HSF4: variants seen among roughly 807,000 people sequenced by gnomAD.
HSF4 encodes the protein heat shock factor protein 4.
In HSF4, 41 loss-of-function variants were observed where a neutral mutation model predicts 52.0. The ratio of observed to expected loss-of-function variants is 0.79; its 90% CI spans 0.61 to 1.02. HSF4 has a LOEUF of 1.02. Ranked by LOEUF, HSF4 falls within the 50% of genes least tolerant of loss-of-function variation. HSF4 has a pLI of 0.00. For missense variants in HSF4, 610 were observed against 651.1 expected (o/e 0.94, Z 0.69); for synonymous variants, 285 against 273.0 (o/e 1.04, Z -0.43).
upstream of HSF4, chr16:67,164,157 TAAAC>T (rs1176437037): frequency 6.7e-6 from 4 of 599,954 alleles, no homozygotes; most frequent in South Asian, 3.1e-5. Context: ...GAGTGTGAAA[TAAAC>T]AAATCCTGCA....
At position 67,166,088 on chromosome 16, in the gene HSF4, G is replaced by GGGT; in HGVS notation, c.485+18_485+19insGGT. The GGGT allele has an allele frequency of 1.7e-6, 1 of 604,344 alleles. No individual in the cohort carries two copies. Among genetic ancestry groups the GGGT allele is most frequent in the Non-Finnish European group, 2.7e-6 (1 of 372,688 alleles). 37.4% of individuals were successfully genotyped at this position (604,344 alleles called of 1,614,324 possible). ...CTCAGGCAGTGCGGGGGCGGGCGGG[G>GGGT]AAAGAGGGGACAGGGGTGGGGGGTT... On this transcript the variant is annotated intron_variant, in intron 4 of 12. Transcript: ENST00000521374.
chr16:67,166,033 C>G lies in HSF4; in HGVS notation c.448C>G (p.Gln150Glu), dbSNP rs761392776. Residue 150 changes from glutamine (Q) to glutamate (E), a missense_variant, in exon 4 of 13, where the codon CAG becomes GAG. Physicochemically the swap from Gln to Glu is conservative, Grantham distance 29 (BLOSUM62 2). Transcript: ENST00000521374. ...LGEVQALRGV[Q>E]ESTEARLREL... Reference sequence around the variant, plus strand: ...CGAGGTGCAGGCTTTGCGGGGAGTGCAGGAGAGCACCGAGGCGCGGCTGCG... The same window carrying G: ...CGAGGTGCAGGCTTTGCGGGGAGTGGAGGAGAGCACCGAGGCGCGGCTGCG... The G allele has an allele frequency of 4.6e-6, 7 of 1,532,362 alleles. No individual in the cohort carries two copies. The South Asian group carries it at 4.8e-5, about 10-fold the overall frequency. 94.9% of individuals were successfully genotyped at this position (1,532,362 alleles called of 1,614,324 possible). A position where few individuals can be genotyped will look rare whatever the true frequency, so the allele number is the denominator to read the frequency against.
upstream of HSF4, chr16:67,164,199 G>A: frequency 4.0e-6 from 2 of 494,086 alleles, no homozygotes; most frequent in Non-Finnish European, 7.7e-6. Flanking sequence ...TAAAGGCGGG[G>A]TCGGATCTGA....
chr16:67,169,920 C>A lies in HSF4; in HGVS notation c.*135C>A, dbSNP rs1454019137. 1 of 843,106 alleles carries A rather than the reference C, an allele frequency of 1.2e-6. No individual in the cohort carries two copies. The highest frequency in any genetic ancestry group is 1.9e-6 in the Non-Finnish European group (1 of 527,480). The allele number at this position is 843,106 out of a possible 1,614,324, so 52.2% of individuals were successfully genotyped here. A position where few individuals can be genotyped will look rare whatever the true frequency, so the allele number is the denominator to read the frequency against. On this transcript the variant is annotated 3_prime_UTR_variant, in exon 13 of 13. Transcript: ENST00000521374. This position sits in a 1 kb window ranked among gnomAD's most constrained non-coding sequence, Gnocchi z 4.3. ...CTCTCCACTACCCCGACTATCCCTG[C>A]ACATAAACTCCGTTTTTTTTTTTTC...
In HSF4 at chr16:67,169,592, G is replaced by A. The variant is rs2031599946; in HGVS notation, c.1325-39G>A. The stretch of plus-strand genomic sequence containing the variant: ...TCTCCTTCCCTGAAGAAAGGAGGGG[G>A]AACATTTCCCCTGGTGAGCGCAGTC... On this transcript the variant is annotated intron_variant, in intron 12 of 12. Transcript: ENST00000521374. The surrounding 1 kb of genome is among the most constrained non-coding windows in gnomAD (Gnocchi z 4.3). 1 of 1,601,266 alleles carries A rather than the reference G, an allele frequency of 6.2e-7. No homozygotes were observed. Among genetic ancestry groups the A allele is most frequent in the African/African-American group, 1.3e-5 (1 of 74,906 alleles).
rs2031353688 is a variant in HSF4 at position 67,167,026 on chromosome 16, C to G, written c.627-94C>G. On this transcript the variant is annotated intron_variant, in intron 6 of 12. Transcript: ENST00000521374. ...ACAGGCCTCAGCTCTGCTGACTTGG[C>G]TGCTGGGGCCTGAGGGAGGGAGGGA... is the stretch of plus-strand genomic sequence containing the variant. The G allele has an allele frequency of 1.9e-6, 3 of 1,566,318 alleles. No homozygotes were observed. In the South Asian group the frequency reaches 3.3e-5, roughly 17 times the overall value.
rs930317511 is a variant in HSF4 at position 67,169,012 on chromosome 16, C to T, written c.1189-24C>T. 3.7e-6 allele frequency: 6 copies of T among 1,613,748 alleles called. No individual in the cohort carries two copies. In the African/African-American group the frequency reaches 6.7e-5, roughly 18 times the overall value. On this transcript the variant is annotated intron_variant, in intron 10 of 12. Coordinates refer to ENST00000521374, the MANE Select transcript of HSF4 (RefSeq NM_001374675.1). This position sits in a 1 kb window ranked among gnomAD's most constrained non-coding sequence, Gnocchi z 4.3. ...CTCTCTGTGGAGCCTGGGGAGGGCA[C>T]CACTGACCCAGAGCTCTCCTCAGGT...
At position 67,169,444 on chromosome 16, in the gene HSF4, C is replaced by T; in HGVS notation, c.1324+96C>T. 1 of 1,569,698 alleles carries T rather than the reference C, an allele frequency of 6.4e-7. No homozygotes were observed. Among genetic ancestry groups the T allele is most frequent in the South Asian group, 1.2e-5 (1 of 86,936 alleles). On this transcript the variant is annotated intron_variant, in intron 12 of 12. Coordinates refer to ENST00000521374, the MANE Select transcript of HSF4 (RefSeq NM_001374675.1). This position sits in a 1 kb window ranked among gnomAD's most constrained non-coding sequence, Gnocchi z 4.3. Reference sequence around the variant, plus strand: ...GGCAATCTGCAATTTGCAGGGAAATCCTGAGTTCAGGCTGCACTGCAGAGC... The same window carrying T: ...GGCAATCTGCAATTTGCAGGGAAATTCTGAGTTCAGGCTGCACTGCAGAGC...
In HSF4 at chr16:67,167,139, G is replaced by T; in HGVS notation, c.646G>T (p.Gly216Trp). The T allele has an allele frequency of 6.2e-7, 1 of 1,614,154 alleles. No individual in the cohort carries two copies. Among genetic ancestry groups the T allele is most frequent in the Non-Finnish European group, 8.5e-7 (1 of 1,180,002 alleles). Residue 216 changes from glycine to tryptophan, a missense_variant, in exon 7 of 13, where the codon GGG (glycine) becomes TGG (tryptophan). By Grantham distance (184) the Gly-to-Trp change is radical. Coordinates refer to ENST00000521374, the MANE Select transcript of HSF4 (RefSeq NM_001374675.1). Reference sequence around the variant, plus strand: ...ACACAGGTCCCTGATGCTGGATGAGGGGAGCTCATGCCCAACACCTGCCAA... The same window carrying T: ...ACACAGGTCCCTGATGCTGGATGAGTGGAGCTCATGCCCAACACCTGCCAA... ...KRKLSLMLDEGSSCPTPAKFN... is the reference protein window; with the variant it reads ...KRKLSLMLDEWSSCPTPAKFN...
At position 67,167,147 on chromosome 16, in the gene HSF4, A is replaced by T. The variant is rs1597241395; in HGVS notation, c.654A>T (p.Ser218=). Residue 218 remains serine, a synonymous_variant, in exon 7 of 13, where the codon TCA becomes TCT. Transcript: ENST00000521374. ...KLSLMLDEGS[S]CPTPAKFNTC... ...CCCTGATGCTGGATGAGGGGAGCTC[A>T]TGCCCAACACCTGCCAAGTTCAACA... The T allele has an allele frequency of 1.9e-6, 3 of 1,614,148 alleles. No homozygotes were observed. The East Asian group carries it at 6.7e-5, about 36-fold the overall frequency.
chr16:67,168,106 C>T (rs1567670140), intron 9 of HSF4, among the ~76,000 whole-genome samples, 159 bp downstream of exon 9: 1 of 152,262 alleles, frequency 6.6e-6, no homozygotes, highest in South Asian at 2.1e-4. Context: ...GGGCACTCAG[C>T]ATCTGCGGAA....
chr16:67,166,013 T>A lies in HSF4; in HGVS notation c.428T>A (p.Val143Glu). ...PEDLGRLLGE[V>E]QALRGVQEST... ...GACCTGGGTCGACTACTGGGCGAGGTGCAGGCTTTGCGGGGAGTGCAGGAG... is the reference window on the plus strand; with the variant it reads ...GACCTGGGTCGACTACTGGGCGAGGAGCAGGCTTTGCGGGGAGTGCAGGAG... The change falls in exon 4 of 13, where the codon GTG (valine) becomes GAG (glutamate). Residue 143 changes from valine (V) to glutamate (E), a missense_variant. By Grantham distance (121) the Val-to-Glu change is moderately radical. Coordinates refer to ENST00000521374, the MANE Select transcript of HSF4 (RefSeq NM_001374675.1). 1.3e-6 allele frequency: 2 copies of A among 1,531,758 alleles called. No homozygotes were observed. Among genetic ancestry groups the A allele is most frequent in the Non-Finnish European group, 1.7e-6 (2 of 1,147,334 alleles). 94.9% of individuals were successfully genotyped at this position (1,531,758 alleles called of 1,614,324 possible).
rs781742797 is a variant in HSF4, at chr16:67,167,523, C to G, written c.778C>G (p.Pro260Ala). 6.2e-7 allele frequency: 1 copy of G among 1,613,692 alleles called. No individual in the cohort carries two copies. The highest frequency in any genetic ancestry group is 1.3e-5 in the African/African-American group (1 of 74,954). The change falls in exon 8 of 13, where the codon CCC becomes GCC. Residue 260 changes from proline to alanine, a missense_variant. Coordinates refer to ENST00000521374, the MANE Select transcript of HSF4 (RefSeq NM_001374675.1). ...CCTTAGCCCTCACAGGGCCAGGGGC[C>G]CCATCATCTCTGACATCCCAGAAGA... Reference protein sequence around the residue: ...LGLSPHRARGPIISDIPEDSP... With the variant: ...LGLSPHRARGAIISDIPEDSP...
Position 67,169,186 on chromosome 16 carries a change from C to G in HSF4, c.1254+85C>G. ...ATAGCTGTTCTCTGTGAGCCAAAGC[C>G]GTGTCTCTAGAAGAATTGTCACAGT... is the stretch of plus-strand genomic sequence containing the variant. On this transcript the variant is annotated intron_variant, in intron 11 of 12. Transcript: ENST00000521374. This position sits in a 1 kb window ranked among gnomAD's most constrained non-coding sequence, Gnocchi z 4.3. 1 of 1,605,676 alleles carries G rather than the reference C, an allele frequency of 6.2e-7. No individual in the cohort carries two copies. Among genetic ancestry groups the G allele is most frequent in the South Asian group, 1.1e-5 (1 of 90,744 alleles).
At chr16:67,166,664 C>G (rs979674078) in intron 6 of HSF4, 42 bp downstream of exon 6, 4 of 1,577,236 alleles carry the variant, frequency 2.5e-6, no homozygotes, top group Non-Finnish European at 3.5e-6. Flanking sequence ...ACTTCCAAGA[C>G]CCCCCAGAAG....
Position 67,165,341 on chromosome 16 carries a change from C to T in HSF4, c.124-181C>T. 3.1e-6 allele frequency: 2 copies of T among 641,146 alleles called. No individual in the cohort carries two copies. Among genetic ancestry groups the T allele is most frequent in the South Asian group, 1.8e-5 (1 of 55,636 alleles). 39.7% of individuals were successfully genotyped at this position (641,146 alleles called of 1,614,324 possible). Reference sequence around the variant, plus strand: ...GGGTAGGGACTCACTGTGGTCGCTCCAGGCTAGGCCTCGGAGCCCGTTCTG... The same window carrying T: ...GGGTAGGGACTCACTGTGGTCGCTCTAGGCTAGGCCTCGGAGCCCGTTCTG... On this transcript the variant is annotated intron_variant, in intron 1 of 12. Coordinates refer to ENST00000521374, the MANE Select transcript of HSF4 (RefSeq NM_001374675.1). The surrounding 1 kb of genome is among the most constrained non-coding windows in gnomAD (Gnocchi z 6.9).
rs1262488056 is a variant in HSF4, at chr16:67,165,031, G to A, written c.123+97G>A. 8 of 1,313,376 alleles carry A rather than the reference G, an allele frequency of 6.1e-6. No individual in the cohort carries two copies. The highest frequency in any genetic ancestry group is 8.2e-6 in the Non-Finnish European group (8 of 978,468). The allele number at this position is 1,313,376 out of a possible 1,614,324, so 81.4% of individuals were successfully genotyped here. A position where few individuals can be genotyped will look rare whatever the true frequency, so the allele number is the denominator to read the frequency against. ...CCCAACCCCCTCCTGAGACTGGGCCGTGGATCCCCGGATTTGGCCATTCAG... is the reference window on the plus strand; with the variant it reads ...CCCAACCCCCTCCTGAGACTGGGCCATGGATCCCCGGATTTGGCCATTCAG... On this transcript the variant is annotated intron_variant, in intron 1 of 12. Transcript: ENST00000521374. The surrounding 1 kb of genome is among the most constrained non-coding windows in gnomAD (Gnocchi z 6.9).
chr16:67,168,496 GAA>G (rs2031464780), intron 9 of HSF4, among the ~76,000 whole-genome samples: 1 of 150,528 alleles, frequency 6.6e-6, no homozygotes, highest in South Asian at 2.1e-4. Flanking sequence ...AAGAAAGAAG[GAA>G]AGAGAGAGAG....
At chr16:67,164,554 C>T (rs912415027), upstream of HSF4, 29 of 482,188 alleles carry the variant, frequency 6.0e-5, no homozygotes, top group Admixed American at 6.6e-4. Context: ...ACTCATCTCA[C>T]CCCACCCCAC....
Sources: allele counts gnomAD v4.1 joint callset (sites outside exome capture counted in the v4.1 genomes callset), GRCh38; gene constraint gnomAD v4.1.1; non-coding constraint Gnocchi (gnomAD v3.1); transcripts MANE v1.5; gene names NCBI Gene and HGNC (gene_info 2026-07-23, HGNC 2026-07-21).